Variants in DPP6 observed in about 807,000 individuals in gnomAD.
The protein encoded by DPP6 is dipeptidyl peptidase like 6, also known as A-type potassium channel modulatory protein DPP6.
Under a neutral mutation model 122.6 loss-of-function variants are expected in DPP6, and 69 were observed. The ratio of observed to expected loss-of-function variants is 0.56; its 90% CI spans 0.46 to 0.69. The LOEUF (loss-of-function observed/expected upper bound fraction) is 0.69. Ranked by LOEUF, DPP6 falls within the 30% of genes least tolerant of loss-of-function variation. DPP6 has a pLI of 0.00. For missense variants in DPP6, 928 were observed against 1,116.9 expected, an observed-to-expected ratio of 0.83 and a Z score of 2.41; for synonymous variants, 418 against 433.1, an observed-to-expected ratio of 0.97 and a Z score of 0.43.
intron 2 of DPP6, among the ~76,000 whole-genome samples, chr7:154,450,146 T>G (rs7800078): frequency 0.19 from 29,307 of 151,992 alleles, 4,589 homozygotes; most frequent in African/African-American, 0.44. Context: ...CCCTGGAAAC[T>G]TCACACTAAG....
At chr7:154,207,267 G>A (rs1437036914) in intron 1 of DPP6, among the ~76,000 whole-genome samples, 7 of 152,178 alleles carry the variant, frequency 4.6e-5, no homozygotes, top group Non-Finnish European at 7.3e-5. Flanking sequence ...GGCATTTCCT[G>A]ACATTTTGAA....
intron 8 of DPP6, among the ~76,000 whole-genome samples, chr7:154,753,621 C>G (rs571993851): frequency 6.6e-6 from 1 of 152,326 alleles, no homozygotes; most frequent in African/African-American, 2.4e-5. Context: ...GGAATCGACA[C>G]CCTCATTCTC....
At chr7:154,328,335 C>T (rs1348242960) in intron 1 of DPP6, among the ~76,000 whole-genome samples, 4 of 152,080 alleles carry the variant, frequency 2.6e-5, no homozygotes, top group Admixed American at 6.5e-5. Flanking sequence ...AATCTGGAAT[C>T]GACATGAAGC....
intron 5 of DPP6, chr7:154,587,839 G>C: frequency 6.2e-7 from 1 of 1,612,840 alleles, no homozygotes. Flanking sequence ...AGCATTGCCA[G>C]CTTGCCATGT....
chr7:154,265,353 G>A (rs574098366), intron 1 of DPP6, among the ~76,000 whole-genome samples: 1 of 152,144 alleles, frequency 6.6e-6, no homozygotes, highest in South Asian at 2.1e-4. Context: ...GAAATGTGGT[G>A]CAGCCTTCTT....
intron 1 of DPP6, among the ~76,000 whole-genome samples, chr7:154,325,256 A>G (rs142405861): frequency 6.6e-6 from 1 of 152,274 alleles, no homozygotes; most frequent in Non-Finnish European, 1.5e-5. Flanking sequence ...GTTGGGCCCC[A>G]GTGGGTCTCC....
In DPP6 at chr7:153,938,157, C is replaced by T. The variant is rs370963383; in HGVS notation, c.51+50423C>T. Among the ~76,000 whole-genome samples, 6 of 152,240 alleles carry T rather than the reference C, an allele frequency of 3.9e-5. No individual in the cohort carries two copies. In the East Asian group the frequency reaches 9.7e-4, roughly 25 times the overall value. On this transcript the variant is annotated intron_variant, in intron 1 of 25. Transcript: ENST00000404039. ...CCCTGGTTGGAAGGAATGAGTGGAA[C>T]CTGAAAAGTGTGGCATTTTTATTGT...
intron 1 of DPP6, among the ~76,000 whole-genome samples, chr7:154,264,144 T>G (rs1193621923): frequency 6.6e-6 from 1 of 152,236 alleles, no homozygotes; most frequent in African/African-American, 2.4e-5. Context: ...CAAAGTGGCC[T>G]TTTCAAAGAG....
intron 1 of DPP6, among the ~76,000 whole-genome samples, chr7:154,149,305 T>C (rs1796286655): frequency 6.6e-6 from 1 of 152,274 alleles, no homozygotes; most frequent in Admixed American, 6.5e-5. Context: ...TCCAGGATGC[T>C]TGGCTCTGGG....
intron 5 of DPP6, among the ~76,000 whole-genome samples, chr7:154,611,696 G>T (rs1833918759): frequency 1.3e-5 from 2 of 152,132 alleles, no homozygotes; most frequent in Non-Finnish European, 2.9e-5. Context: ...AATAATTGGA[G>T]ACTCACATGC....
intron 1 of DPP6, among the ~76,000 whole-genome samples, chr7:153,967,200 G>A (rs1351233131): frequency 1.3e-5 from 2 of 152,150 alleles, no homozygotes; most frequent in Non-Finnish European, 2.9e-5. Flanking sequence ...GCATGACACT[G>A]CCCATCCTGT....
chr7:154,077,343 G>A (rs1026355527), intron 1 of DPP6, among the ~76,000 whole-genome samples: 1 of 152,204 alleles, frequency 6.6e-6, no homozygotes, highest in Admixed American at 6.5e-5. Context: ...TCTGCAACGA[G>A]CTTGTCCTGA....
At chr7:154,671,862 A>ACACACACACG (rs1292270989) in intron 7 of DPP6, among the ~76,000 whole-genome samples, 38 of 102,930 alleles carry the variant, frequency 3.7e-4, no homozygotes, top group African/African-American at 5.4e-4. Context: ...CAACACACAC[A>ACACACACACG]TGCACACACA....
At chr7:154,117,239 G>C (rs1045900750) in intron 1 of DPP6, among the ~76,000 whole-genome samples, 1 of 151,938 alleles carries the variant, frequency 6.6e-6, no homozygotes, top group Non-Finnish European at 1.5e-5. Context: ...TTACAAATTA[G>C]TAACTCAAAA....
chr7:154,453,593 G>A (rs915013293), intron 2 of DPP6, among the ~76,000 whole-genome samples: 6 of 151,172 alleles, frequency 4.0e-5, no homozygotes, highest in African/African-American at 1.5e-4. Flanking sequence ...GTAAGCTATT[G>A]TTGAATTTTG....
chr7:154,167,934 G>C (rs1797337012), intron 1 of DPP6, among the ~76,000 whole-genome samples: 1 of 152,186 alleles, frequency 6.6e-6, no homozygotes, highest in African/African-American at 2.4e-5. Flanking sequence ...AGACTGGCCT[G>C]TCTCGCACCT....
At chr7:154,240,494 A>G (rs1036793001) in intron 1 of DPP6, among the ~76,000 whole-genome samples, 2 of 152,342 alleles carry the variant, frequency 1.3e-5, no homozygotes, top group East Asian at 3.9e-4. Context: ...TCCATCTTCC[A>G]TCCCATGCCT....
At chr7:154,703,657 G>A (rs1424009355) in intron 7 of DPP6, among the ~76,000 whole-genome samples, 1 of 151,438 alleles carries the variant, frequency 6.6e-6, no homozygotes, top group Non-Finnish European at 1.5e-5. Context: ...CATTTCATAG[G>A]CTGGGCATGG....
chr7:154,654,955 T>C (rs1190236866), intron 6 of DPP6, among the ~76,000 whole-genome samples: 2 of 152,186 alleles, frequency 1.3e-5, no homozygotes, highest in African/African-American at 4.8e-5. Context: ...ACTCAGTGAC[T>C]GGAGATTAGA....
Sources: gnomAD v4.1 joint callset for allele counts (sites outside exome capture counted in the v4.1 genomes callset) on GRCh38, gnomAD v4.1.1 for gene constraint, MANE v1.5 for transcripts, NCBI Gene and HGNC (gene_info 2026-07-23, HGNC 2026-07-21) for gene names.